Variants in KDM4C observed in about 807,000 individuals in gnomAD.
KDM4C encodes the protein lysine-specific demethylase 4C.
Under a neutral mutation model 129.3 loss-of-function variants are expected in KDM4C, and 81 were observed. The observed-to-expected ratio is 0.63, with a 90% confidence interval of 0.52 to 0.75. KDM4C has a LOEUF of 0.75. KDM4C is among the 30% of genes least tolerant of loss of function. The pLI, the probability that KDM4C is intolerant of heterozygous loss-of-function variation, is 0.00. For synonymous variants in KDM4C, 573 were observed against 456.1 expected (o/e 1.26, Z -3.26); for missense variants, 1,457 against 1,304.0 (o/e 1.12, Z -1.81).
At chr9:6,931,753 A>G (rs62533771) in intron 8 of KDM4C, among the ~76,000 whole-genome samples, 38,346 of 152,064 alleles carry the variant, frequency 0.25, 5,312 homozygotes, top group South Asian at 0.39. Flanking sequence ...CACCCGCCTT[A>G]GTCTCCCAAA....
chr9:6,810,051 T>G (rs1459760071), intron 3 of KDM4C, among the ~76,000 whole-genome samples: 1 of 152,192 alleles, frequency 6.6e-6, no homozygotes, highest in Admixed American at 6.5e-5. Flanking sequence ...GAGGCAATCA[T>G]TGTTAGTATT....
At chr9:7,025,193 G>C (rs928714318) in intron 15 of KDM4C, among the ~76,000 whole-genome samples, 11 of 151,662 alleles carry the variant, frequency 7.3e-5, no homozygotes, top group Non-Finnish European at 1.6e-4. Flanking sequence ...GCTCTTTTTT[G>C]CTTTTGTCGC....
intron 1 of KDM4C, among the ~76,000 whole-genome samples, chr9:6,733,520 C>A (rs886124748): frequency 6.6e-6 from 1 of 152,214 alleles, no homozygotes; most frequent in Non-Finnish European, 1.5e-5. Context: ...CTGCTAACTT[C>A]TTGCGTTTGG....
intron 8 of KDM4C, among the ~76,000 whole-genome samples, chr9:6,970,623 G>A (rs1401389113): frequency 6.6e-6 from 1 of 152,142 alleles, no homozygotes; most frequent in African/African-American, 2.4e-5. Flanking sequence ...ATTTAGTCTT[G>A]GGCCAGAGAT....
chr9:7,044,398 A>T (rs974715729), intron 15 of KDM4C, among the ~76,000 whole-genome samples: 2 of 151,896 alleles, frequency 1.3e-5, no homozygotes, highest in Non-Finnish European at 2.9e-5. Context: ...AGAAGCATTA[A>T]AAACCTTCTC....
intron 1 of KDM4C, among the ~76,000 whole-genome samples, chr9:6,791,125 GTTAC>G (rs1334356950): frequency 6.6e-6 from 1 of 152,056 alleles, no homozygotes; most frequent in African/African-American, 2.4e-5. Flanking sequence ...GGTGGAGTTA[GTTAC>G]TTCTTCCTGT....
In KDM4C at chr9:6,838,599, C is replaced by G. The variant is rs150836819; in HGVS notation, c.436-10908C>G. ...TTTGCCTTTATCTTTTTATGTGGCA[C>G]TTTCACTGCAGAATTATTTTTCTTT... On this transcript the variant is annotated intron_variant, in intron 4 of 21. Transcript: ENST00000381309. Among the ~76,000 whole-genome samples the G allele has an allele frequency of 1.3e-3, 194 of 152,252 alleles. 1 individual carries two copies. Among genetic ancestry groups the G allele is most frequent in the African/African-American group, 4.4e-3 (184 of 41,558 alleles).
At chr9:7,089,915 G>T (rs1336810769) in intron 17 of KDM4C, among the ~76,000 whole-genome samples, 1 of 152,192 alleles carries the variant, frequency 6.6e-6, no homozygotes, top group African/African-American at 2.4e-5. Context: ...CCGTCAGCTG[G>T]GTTCCATTCC....
At chr9:6,775,907 C>G (rs1822926820) in intron 1 of KDM4C, among the ~76,000 whole-genome samples, 1 of 152,200 alleles carries the variant, frequency 6.6e-6, no homozygotes, top group African/African-American at 2.4e-5. Flanking sequence ...TTAACAGCAT[C>G]TACCCATTAG....
chr9:7,127,944 A>T lies in KDM4C; in HGVS notation c.2611-122A>T, dbSNP rs572176210. 6.4e-3 allele frequency: 5,336 copies of T among 834,778 alleles called. 177 individuals are homozygous for T. In the African/African-American group the frequency reaches 0.082, roughly 13 times the overall value. 51.7% of individuals were successfully genotyped at this position (834,778 alleles called of 1,614,324 possible). A position where few individuals can be genotyped will look rare whatever the true frequency, so the allele number is the denominator to read the frequency against. The stretch of plus-strand genomic sequence containing the variant: ...ATTATTCTTCAATATTAAGTTAAAA[A>T]TTTTTTTTTTAAATCTTGGCCAAAT... On this transcript the variant is annotated intron_variant, in intron 18 of 21. Transcript: ENST00000381309.
chr9:7,102,604 G>T (rs941724407), intron 17 of KDM4C, among the ~76,000 whole-genome samples: 8 of 152,142 alleles, frequency 5.3e-5, no homozygotes, highest in African/African-American at 1.4e-4. Flanking sequence ...TTAAGTCACC[G>T]ATCAGATGTG....
At chr9:6,746,272 T>G (rs1819782335) in intron 1 of KDM4C, among the ~76,000 whole-genome samples, 1 of 118,474 alleles carries the variant, frequency 8.4e-6, no homozygotes, top group Admixed American at 8.4e-5. Context: ...GTTTTTTTTT[T>G]TTTTTTTTTT....
At chr9:7,019,295 C>G (rs1824231320) in intron 15 of KDM4C, among the ~76,000 whole-genome samples, 1 of 152,122 alleles carries the variant, frequency 6.6e-6, no homozygotes, top group Non-Finnish European at 1.5e-5. Flanking sequence ...CAATCAATCT[C>G]ATATCTTCAG....
intron 17 of KDM4C, among the ~76,000 whole-genome samples, chr9:7,063,384 A>T (rs1251509185): frequency 6.6e-6 from 1 of 152,234 alleles, no homozygotes. Flanking sequence ...AGGTAAATTC[A>T]TTGCCGATGG....
chr9:6,920,217 T>A lies in KDM4C; in HGVS notation c.921+26985T>A, dbSNP rs374201004. 1.4e-4 allele frequency among the ~76,000 whole-genome samples: 21 copies of A among 152,286 alleles called. No homozygotes were observed. In the East Asian group the frequency reaches 4.0e-3, roughly 29 times the overall value. ...AGGGGTGTGGAAAGCAGTCCTCATGTGCTGAGTCCACTCAGGATCAGTTGT... is the reference window on the plus strand; with the variant it reads ...AGGGGTGTGGAAAGCAGTCCTCATGAGCTGAGTCCACTCAGGATCAGTTGT... On this transcript the variant is annotated intron_variant, in intron 8 of 21. Coordinates refer to ENST00000381309, the MANE Select transcript of KDM4C (RefSeq NM_015061.6).
intron 1 of KDM4C, among the ~76,000 whole-genome samples, chr9:6,768,545 A>T (rs989085340): frequency 1.3e-5 from 2 of 152,278 alleles, no homozygotes; most frequent in East Asian, 3.9e-4. Flanking sequence ...CTGATACATT[A>T]CTATCATCTA....
chr9:6,900,260 C>G (rs1563781820), intron 8 of KDM4C, among the ~76,000 whole-genome samples: 1 of 152,162 alleles, frequency 6.6e-6, no homozygotes, highest in African/African-American at 2.4e-5. Context: ...TGAGGCCCGG[C>G]TTAGATGTAG....
chr9:6,939,816 G>GC (rs879832025), intron 8 of KDM4C, among the ~76,000 whole-genome samples: 2 of 152,132 alleles, frequency 1.3e-5, no homozygotes, highest in Admixed American at 1.3e-4. Flanking sequence ...CCCTCTCTTG[G>GC]CATTTATATA....
chr9:7,126,559 C>G (rs1400809525), intron 18 of KDM4C, among the ~76,000 whole-genome samples: 1 of 152,176 alleles, frequency 6.6e-6, no homozygotes, highest in Non-Finnish European at 1.5e-5. Context: ...GGATATCACT[C>G]TGAACTGGTG....
Sources: allele counts gnomAD v4.1 joint callset (sites outside exome capture counted in the v4.1 genomes callset), GRCh38; gene constraint gnomAD v4.1.1; transcripts MANE v1.5; gene names NCBI Gene and HGNC (gene_info 2026-07-23, HGNC 2026-07-21).